The following KAT6A variants were observed in gnomAD, a reference collection of about 807,000 sequenced individuals.
KAT6A encodes the protein histone acetyltransferase KAT6A.
KAT6A carries 9 observed loss-of-function variants against 198.4 expected under a neutral mutation model. That is an observed-to-expected ratio of 0.05 (90% CI 0.03 to 0.08). The LOEUF (loss-of-function observed/expected upper bound fraction) is 0.08, where lower values mean the gene tolerates loss of function less well. KAT6A is among the 10% of genes least tolerant of loss of function. The pLI is 1.00. For missense variants in KAT6A, 2,077 were observed against 2,509.9 expected (o/e 0.83, Z 3.69); for synonymous variants, 890 against 883.0 (o/e 1.01, Z -0.14).
intron 3 of KAT6A, among the ~76,000 whole-genome samples, chr8:41,983,324 C>A (rs1183680765): frequency 6.6e-6 from 1 of 152,184 alleles, no homozygotes; most frequent in Non-Finnish European, 1.5e-5. Context: ...ATCACTAACA[C>A]TGAAGGAAAA....
intron 10 of KAT6A, among the ~76,000 whole-genome samples, chr8:41,948,820 TTAA>T (rs1822523412): frequency 6.6e-6 from 1 of 152,120 alleles, no homozygotes; most frequent in African/African-American, 2.4e-5. Context: ...AAGTACTCAA[TTAA>T]TACTTGGCAC....
rs866001782 is a variant in KAT6A, at chr8:41,932,672, G to A, written c.5548C>T (p.Pro1850Ser). 2.5e-6 allele frequency: 4 copies of A among 1,614,138 alleles called. No homozygotes were observed. In the African/African-American group the frequency reaches 4.0e-5, roughly 16 times the overall value. ...CGGATGGAAATGTGCCCCTTCACTG[G>A]CATTTGCCCTTGCAATCTCTGCGTG... The part of the protein sequence containing the change: ...PHTQRLQGQM[P>S]VKGHISIRSK... Residue 1850 changes from proline to serine, a missense_variant, in exon 17 of 17, where the codon CCA becomes TCA. Physicochemically the swap from Pro to Ser is moderately conservative, Grantham distance 74. Around this residue, in one of 13 missense-constraint regions of KAT6A, gnomAD observed 500 missense variants for 577.2 expected, o/e 0.87. Transcript: ENST00000265713.
At chr8:41,980,191 GT>G (rs983109329) in intron 5 of KAT6A, among the ~76,000 whole-genome samples, 8 of 151,994 alleles carry the variant, frequency 5.3e-5, no homozygotes, top group Non-Finnish European at 8.8e-5. Flanking sequence ...TCTGGCTGAA[GT>G]TTTTTTTAAA....
At chr8:41,988,403 T>C (rs760788579) in intron 2 of KAT6A, among the ~76,000 whole-genome samples, 148 of 152,262 alleles carry the variant, frequency 9.7e-4, no homozygotes, top group Admixed American at 3.3e-3. Context: ...GCTTTTTATA[T>C]ATCAATTATA....
At chr8:41,976,524 C>G (rs1392696854) in intron 7 of KAT6A, among the ~76,000 whole-genome samples, 1 of 152,164 alleles carries the variant, frequency 6.6e-6, no homozygotes, top group African/African-American at 2.4e-5. Context: ...TGACTTACAA[C>G]TATATTTGTC....
At position 41,937,645 on chromosome 8, in the gene KAT6A, A is replaced by G. The variant is rs151173730; in HGVS notation, c.3040-77T>C. On this transcript the variant is annotated intron_variant, in intron 15 of 16. Coordinates refer to ENST00000265713, the MANE Select transcript of KAT6A (RefSeq NM_006766.5). ...TTAATAATACGAAAACAGTTTTAAA[A>G]CCAAATAGAATTAGCACATATAAAA... The G allele has an allele frequency of 1.2e-3, 1,412 of 1,169,830 alleles. 23 individuals are homozygous for G. The East Asian group carries it at 0.027, about 23-fold the overall frequency. The allele number at this position is 1,169,830 out of a possible 1,614,324, so 72.5% of individuals were successfully genotyped here.
intron 9 of KAT6A, among the ~76,000 whole-genome samples, chr8:41,951,639 T>A (rs1296492446): frequency 6.6e-6 from 1 of 152,176 alleles, no homozygotes; most frequent in Non-Finnish European, 1.5e-5. Context: ...TTCTAAAGTC[T>A]GCCACAATGC....
intron 2 of KAT6A, among the ~76,000 whole-genome samples, chr8:42,011,877 TG>T (rs1440541095): frequency 7.5e-6 from 1 of 133,860 alleles, no homozygotes; most frequent in South Asian, 2.3e-4. Context: ...AACAGAGGTG[TG>T]GGGAAAAAAA....
At chr8:42,027,774 T>C (rs1826903474) in intron 2 of KAT6A, among the ~76,000 whole-genome samples, 1 of 152,064 alleles carries the variant, frequency 6.6e-6, no homozygotes, top group Non-Finnish European at 1.5e-5. Context: ...GTTTCTATTT[T>C]ATTTCTGCTC....
rs1821564884 is a variant in KAT6A at position 41,931,915 on chromosome 8, T to C, written c.*290A>G. 3.6e-6 allele frequency: 1 copy of C among 280,448 alleles called. No homozygotes were observed. Among genetic ancestry groups the C allele is most frequent in the Non-Finnish European group, 6.6e-6 (1 of 151,932 alleles). The allele number at this position is 280,448 out of a possible 1,614,324, so 17.4% of individuals were successfully genotyped here. On this transcript the variant is annotated 3_prime_UTR_variant, in exon 17 of 17. Coordinates refer to ENST00000265713, the MANE Select transcript of KAT6A (RefSeq NM_006766.5). ...GTGGTATGTAAAGAAAGTAAGGCTC[T>C]TTTTAATTATGAAAAGATTTTGTGC...
At chr8:42,015,723 T>C (rs1208930479) in intron 2 of KAT6A, among the ~76,000 whole-genome samples, 1 of 152,234 alleles carries the variant, frequency 6.6e-6, no homozygotes, top group African/African-American at 2.4e-5. Context: ...AAAAGCATTT[T>C]GATTTCATAA....
At chr8:42,029,705 G>A (rs999662469) in intron 2 of KAT6A, among the ~76,000 whole-genome samples, 8 of 151,074 alleles carry the variant, frequency 5.3e-5, no homozygotes, top group South Asian at 2.1e-4. Context: ...CGATCCTCCC[G>A]CCTTGGTCTC....
At position 41,937,587 on chromosome 8, in the gene KAT6A, A is replaced by C. The variant is rs1564008078; in HGVS notation, c.3040-19T>G. 3 of 1,580,054 alleles carry C rather than the reference A, an allele frequency of 1.9e-6. No individual in the cohort carries two copies. Among genetic ancestry groups the C allele is most frequent in the Non-Finnish European group, 2.6e-6 (3 of 1,160,350 alleles). On this transcript the variant is annotated intron_variant, in intron 15 of 16. Transcript: ENST00000265713. ...ATGGTTTCTGTTTAATAGAGAAAGC[A>C]AGTATTTACAGTTATGAACACTATC...
At chr8:41,977,770 A>C (rs537699226) in intron 6 of KAT6A, among the ~76,000 whole-genome samples, 1 of 152,330 alleles carries the variant, frequency 6.6e-6, no homozygotes, top group Admixed American at 6.5e-5. Context: ...AGGATGGGTT[A>C]TTCTTCGAAG....
intron 8 of KAT6A, among the ~76,000 whole-genome samples, chr8:41,962,103 T>TC (rs1823231139): frequency 6.6e-6 from 1 of 152,180 alleles, no homozygotes; most frequent in South Asian, 2.1e-4. Flanking sequence ...ATGTTTTTTT[T>TC]CCTACTTCAC....
chr8:42,012,408 C>G lies in KAT6A; in HGVS notation c.601-24845G>C, dbSNP rs1211166655. On this transcript the variant is annotated intron_variant, in intron 2 of 16. Transcript: ENST00000265713. Reference sequence around the variant, plus strand: ...AGAATTTTGAGATGGGGGGGTTATCCTGGATTATCTAAGCAGGCCATACAT... The same window carrying G: ...AGAATTTTGAGATGGGGGGGTTATCGTGGATTATCTAAGCAGGCCATACAT... Among the ~76,000 whole-genome samples the G allele has an allele frequency of 2.0e-5, 3 of 152,090 alleles. No homozygotes were observed. In the East Asian group the frequency reaches 5.8e-4, roughly 29 times the overall value.
Position 42,048,899 on chromosome 8 carries a change from G to A in KAT6A, c.79C>T (p.Pro27Ser), listed in dbSNP as rs759408646. The A allele has an allele frequency of 6.2e-7, 1 of 1,614,092 alleles. No homozygotes were observed. The highest frequency in any genetic ancestry group is 8.5e-7 in the Non-Finnish European group (1 of 1,180,020). Residue 27 changes from proline (P) to serine (S), a missense_variant, in exon 2 of 17, where the codon CCT becomes TCT. Physicochemically the swap from Pro to Ser is moderately conservative, Grantham distance 74. Around this residue, in one of 13 missense-constraint regions of KAT6A, gnomAD observed 35 missense variants for 76.6 expected, o/e 0.46. Transcript: ENST00000265713. Reference protein sequence around the residue: ...IKKVKKQKQRPSEERICNAVS... With the variant: ...IKKVKKQKQRSSEERICNAVS... ...GCATTGCATATCCTTTCTTCTGAAGGACGCTGTTTCTGCTTTTTCACTTTT... is the reference window on the plus strand; with the variant it reads ...GCATTGCATATCCTTTCTTCTGAAGAACGCTGTTTCTGCTTTTTCACTTTT...
intron 2 of KAT6A, among the ~76,000 whole-genome samples, chr8:41,991,135 C>T (rs1824925061): frequency 6.6e-6 from 1 of 151,980 alleles, no homozygotes. Flanking sequence ...TGATCCAGCA[C>T]TTCCACTCCT....
chr8:41,990,925 G>A (rs1355354639), intron 2 of KAT6A, among the ~76,000 whole-genome samples: 2 of 151,196 alleles, frequency 1.3e-5, no homozygotes, highest in East Asian at 3.9e-4. Context: ...AACCTGGGAG[G>A]CAGAGGTTGC....
Sources: allele counts gnomAD v4.1 joint callset (sites outside exome capture counted in the v4.1 genomes callset), GRCh38; gene constraint gnomAD v4.1.1; regional missense constraint gnomAD v4.1.1; transcripts MANE v1.5; gene names NCBI Gene and HGNC (gene_info 2026-07-23, HGNC 2026-07-21).